Variants in NCALD observed in about 807,000 individuals in gnomAD.
NCALD encodes the protein neurocalcin-delta.
Under a neutral mutation model 18.6 loss-of-function variants are expected in NCALD, and 10 were observed. That is an observed-to-expected ratio of 0.54 (90% confidence interval 0.33 to 0.91). The LOEUF (loss-of-function observed/expected upper bound fraction) is 0.91, where lower values mean the gene tolerates loss of function less well. Among genes scored for constraint, NCALD ranks in the 40% least tolerant of loss-of-function variants. NCALD has a pLI of 0.03. For synonymous variants in NCALD, 88 were observed against 87.4 expected, an observed-to-expected ratio of 1.01 and a Z score of -0.04; for missense variants, 184 against 247.6, an observed-to-expected ratio of 0.74 and a Z score of 1.72.
intron 1 of NCALD, among the ~76,000 whole-genome samples, chr8:101,783,570 G>GAA (rs1298370450): frequency 6.6e-6 from 1 of 152,198 alleles, no homozygotes; most frequent in Non-Finnish European, 1.5e-5. Context: ...TCTAACAATA[G>GAA]AAAAGTAGGC....
intron 1 of NCALD, among the ~76,000 whole-genome samples, chr8:101,764,774 T>C (rs1217311394): frequency 6.6e-6 from 1 of 152,202 alleles, no homozygotes; most frequent in African/African-American, 2.4e-5. Flanking sequence ...TCCTAATAGT[T>C]TTGCAATGTA....
intron 4 of NCALD, among the ~76,000 whole-genome samples, chr8:101,799,355 T>A (rs28837777): frequency 6.6e-6 from 1 of 152,116 alleles, no homozygotes; most frequent in Non-Finnish European, 1.5e-5. Flanking sequence ...AAAGATACTA[T>A]GAAAAACAAT....
At chr8:101,713,316 A>G (rs1326062054) in intron 2 of NCALD, among the ~76,000 whole-genome samples, 1 of 152,238 alleles carries the variant, frequency 6.6e-6, no homozygotes, top group Non-Finnish European at 1.5e-5. Context: ...TGCCCACAGT[A>G]GAAAGCAGAA....
intron 2 of NCALD, among the ~76,000 whole-genome samples, chr8:101,978,266 AGCAAAT>A (rs1820496364): frequency 6.6e-6 from 1 of 152,178 alleles, no homozygotes; most frequent in South Asian, 2.1e-4. Flanking sequence ...CCTTTAGTTA[AGCAAAT>A]GGCAATTAAG....
At chr8:101,786,958 A>T (rs1812251840) in intron 1 of NCALD, among the ~76,000 whole-genome samples, 1 of 152,208 alleles carries the variant, frequency 6.6e-6, no homozygotes, top group African/African-American at 2.4e-5. Context: ...CTACTGAGAT[A>T]AAAAGGGCAG....
intron 2 of NCALD, among the ~76,000 whole-genome samples, chr8:101,708,133 T>A (rs1041020951): frequency 6.6e-6 from 1 of 152,168 alleles, no homozygotes; most frequent in East Asian, 1.9e-4. Context: ...TCTCAATGCA[T>A]GATGTGTGAC....
intron 2 of NCALD, chr8:101,694,167 A>G (rs1814878209): frequency 1.3e-5 from 2 of 152,334 alleles, no homozygotes; most frequent in South Asian, 4.1e-4. Flanking sequence ...GGCCCTGGGG[A>G]CAATTTTTAG....
intron 2 of NCALD, among the ~76,000 whole-genome samples, chr8:102,001,437 G>A (rs1021706048): frequency 6.6e-6 from 1 of 152,230 alleles, no homozygotes; most frequent in Non-Finnish European, 1.5e-5. Flanking sequence ...ATGGAACCAA[G>A]CTGGAAAACA....
At chr8:102,086,297 A>C (rs1328896316) in intron 1 of NCALD, among the ~76,000 whole-genome samples, 1 of 152,220 alleles carries the variant, frequency 6.6e-6, no homozygotes, top group Non-Finnish European at 1.5e-5. Flanking sequence ...CTAAACCAGG[A>C]CAAAAATATC....
At chr8:101,996,740 C>T (rs909823973) in intron 2 of NCALD, among the ~76,000 whole-genome samples, 3 of 152,222 alleles carry the variant, frequency 2.0e-5, no homozygotes, top group African/African-American at 4.8e-5. Flanking sequence ...TGGCAACTAA[C>T]GGTCCTCCAG....
At chr8:102,106,837 G>A (rs909004226) in intron 1 of NCALD, among the ~76,000 whole-genome samples, 7 of 151,978 alleles carry the variant, frequency 4.6e-5, no homozygotes, top group Admixed American at 2.6e-4. Flanking sequence ...TCTGTCTTTC[G>A]GTATGTAGAC....
intron 1 of NCALD, among the ~76,000 whole-genome samples, chr8:102,075,217 C>T (rs892529789): frequency 2.0e-5 from 3 of 152,140 alleles, no homozygotes; most frequent in South Asian, 4.1e-4. Context: ...ACAGCAAGTG[C>T]CACACCAAGA....
intron 1 of NCALD, among the ~76,000 whole-genome samples, chr8:101,748,027 A>T (rs971704882): frequency 1.3e-5 from 2 of 152,146 alleles, no homozygotes; most frequent in Admixed American, 1.3e-4. Context: ...GGGAAAAGTG[A>T]TTATTATACA....
At chr8:101,861,131 T>G (rs1815524195) in intron 4 of NCALD, among the ~76,000 whole-genome samples, 2 of 152,146 alleles carry the variant, frequency 1.3e-5, no homozygotes. Flanking sequence ...GTGCGTCTGT[T>G]TAGACTTCTG....
At chr8:102,044,255 A>G (rs909599853) in intron 1 of NCALD, among the ~76,000 whole-genome samples, 2 of 152,046 alleles carry the variant, frequency 1.3e-5, no homozygotes, top group Non-Finnish European at 2.9e-5. Flanking sequence ...GAGATGCTGT[A>G]AAGTTATTAT....
intron 2 of NCALD, among the ~76,000 whole-genome samples, chr8:101,983,878 G>T (rs956995261): frequency 6.6e-6 from 1 of 152,210 alleles, no homozygotes; most frequent in African/African-American, 2.4e-5. Flanking sequence ...TCCCACATCT[G>T]AGTTTGGTGC....
intron 3 of NCALD, among the ~76,000 whole-genome samples, chr8:101,902,676 C>T (rs545989929): frequency 1.3e-5 from 2 of 152,330 alleles, no homozygotes; most frequent in East Asian, 3.9e-4. Flanking sequence ...CAGCCCTACT[C>T]ATCTTACTGT....
At chr8:101,801,642 A>C (rs933181040) in intron 4 of NCALD, among the ~76,000 whole-genome samples, 1 of 64,606 alleles carries the variant, frequency 1.5e-5, no homozygotes, top group Non-Finnish European at 3.6e-5. Flanking sequence ...AAGCACACTT[A>C]CTTTTTTTTT....
At chr8:102,106,365 T>C (rs116183562) in intron 1 of NCALD, among the ~76,000 whole-genome samples, 2,623 of 151,654 alleles carry the variant, frequency 0.017, 103 homozygotes, top group African/African-American at 0.06. Context: ...TGAGCCACCA[T>C]ACCTGGCGGA....
Sources: gnomAD v4.1 joint callset for allele counts (sites outside exome capture counted in the v4.1 genomes callset) on GRCh38, gnomAD v4.1.1 for gene constraint, MANE v1.5 for transcripts, NCBI Gene and HGNC (gene_info 2026-07-23, HGNC 2026-07-21) for gene names.